BACE2: variants seen among roughly 807,000 people sequenced by gnomAD.
The protein encoded by BACE2 is 56 kDa aspartic-like protease.
BACE2 carries 17 observed loss-of-function variants against 46.2 expected under a neutral mutation model. That is an observed-to-expected ratio of 0.37 (90% CI 0.25 to 0.55). The LOEUF (loss-of-function observed/expected upper bound fraction) is 0.55, where lower values mean the gene tolerates loss of function less well. Among genes scored for constraint, BACE2 ranks in the 20% least tolerant of loss-of-function variants. The pLI is 0.82. For missense variants in BACE2, 595 were observed against 698.1 expected (o/e 0.85, Z 1.66); for synonymous variants, 277 against 295.9 (o/e 0.94, Z 0.66).
In BACE2 at chr21:41,275,858, A is replaced by C; in HGVS notation, c.*234A>C. 1 of 565,560 alleles carries C rather than the reference A, an allele frequency of 1.8e-6. No homozygotes were observed. The highest frequency in any genetic ancestry group is 3.1e-6 in the Non-Finnish European group (1 of 327,702). 35.0% of individuals were successfully genotyped at this position (565,560 alleles called of 1,614,324 possible). A position where few individuals can be genotyped will look rare whatever the true frequency, so the allele number is the denominator to read the frequency against. On this transcript the variant is annotated 3_prime_UTR_variant, in exon 9 of 9. Coordinates refer to ENST00000330333, the MANE Select transcript of BACE2 (RefSeq NM_012105.5). ...AAAAAAAAAACTTCATTCTAAACCA[A>C]AACAGAGTGGATTGGGCTGCAGGCT...
intron 5 of BACE2, 92 bp from the exon 6 acceptor site, chr21:41,245,870 G>A (rs1987450453): frequency 1.1e-6 from 1 of 902,540 alleles, no homozygotes; most frequent in Non-Finnish European, 1.7e-6. Flanking sequence ...GGATTTGTGT[G>A]TAACAGACAG....
At chr21:41,192,378 G>A (rs769220452) in intron 1 of BACE2, among the ~76,000 whole-genome samples, 5 of 152,278 alleles carry the variant, frequency 3.3e-5, no homozygotes, top group East Asian at 1.9e-4. Flanking sequence ...GCCCAATCAC[G>A]TATATACCAC....
chr21:41,252,777 G>A (rs140966803), intron 7 of BACE2, among the ~76,000 whole-genome samples: 15 of 152,298 alleles, frequency 9.8e-5, no homozygotes, highest in South Asian at 2.1e-4. Flanking sequence ...GGAAGGAGGC[G>A]TAATTTCAGG....
At chr21:41,198,330 A>G (rs959650719) in intron 1 of BACE2, among the ~76,000 whole-genome samples, 1 of 152,168 alleles carries the variant, frequency 6.6e-6, no homozygotes, top group Non-Finnish European at 1.5e-5. Flanking sequence ...TTTATCCCCA[A>G]ATTTTCAAAG....
intron 1 of BACE2, chr21:41,180,063 C>T (rs1157644582): frequency 2.7e-5 from 7 of 263,804 alleles, no homozygotes; most frequent in Admixed American, 1.0e-4. Context: ...ACAGGCTGTG[C>T]GCCCACAGTA....
Position 41,238,192 on chromosome 21 carries a change from G to A in BACE2, c.618+463G>A, listed in dbSNP as rs369680475. 9.8e-5 allele frequency among the ~76,000 whole-genome samples: 15 copies of A among 152,314 alleles called. 1 individual carries two copies. The highest frequency in any genetic ancestry group is 5.8e-4 in the East Asian group (3 of 5,170). ...TCCTGGCTCTGCAGGGGACACCTCCGAGGAGACACCCAGCATGGGAATATG... is the reference window on the plus strand; with the variant it reads ...TCCTGGCTCTGCAGGGGACACCTCCAAGGAGACACCCAGCATGGGAATATG... On this transcript the variant is annotated intron_variant, in intron 3 of 8. Coordinates refer to ENST00000330333, the MANE Select transcript of BACE2 (RefSeq NM_012105.5).
In BACE2 at chr21:41,257,179, G is replaced by T. The variant is rs1466519534; in HGVS notation, c.1156G>T (p.Gly386Trp). Residue 386 changes from glycine to tryptophan, a missense_variant, in exon 8 of 9, where the codon GGG becomes TGG. Physicochemically the swap from Gly to Trp is radical, Grantham distance 184. Around this residue, in one of 3 missense-constraint regions of BACE2, gnomAD observed 343 missense variants for 419.4 expected, o/e 0.82. Coordinates refer to ENST00000330333, the MANE Select transcript of BACE2 (RefSeq NM_012105.5). Reference protein sequence around the residue: ...LPQLYIQPMMGAGLNYECYRF... With the variant: ...LPQLYIQPMMWAGLNYECYRF... ...ACAGCTTTACATTCAGCCCATGATG[G>T]GGGCCGGCCTGAATTATGAATGTTA... 6.2e-7 allele frequency: 1 copy of T among 1,614,162 alleles called. No individual in the cohort carries two copies. The highest frequency in any genetic ancestry group is 8.5e-7 in the Non-Finnish European group (1 of 1,180,034).
At chr21:41,174,202 G>A (rs1474944255) in intron 1 of BACE2, among the ~76,000 whole-genome samples, 1 of 143,200 alleles carries the variant, frequency 7.0e-6, no homozygotes, top group Non-Finnish European at 1.5e-5. Context: ...GAGTACAGTG[G>A]CCTGATCTTG....
At chr21:41,200,354 G>T (rs1222102672) in intron 1 of BACE2, among the ~76,000 whole-genome samples, 2 of 152,132 alleles carry the variant, frequency 1.3e-5, no homozygotes, top group East Asian at 3.9e-4. Context: ...TTTAAATTCA[G>T]ATGTTAGTTT....
chr21:41,174,851 C>T (rs1568854358), intron 1 of BACE2, among the ~76,000 whole-genome samples: 1 of 152,264 alleles, frequency 6.6e-6, no homozygotes, highest in East Asian at 1.9e-4. Flanking sequence ...CTTGGTGAGA[C>T]ACTGGGGTTC....
chr21:41,225,000 C>G (rs952852482), intron 1 of BACE2, among the ~76,000 whole-genome samples: 1 of 152,038 alleles, frequency 6.6e-6, no homozygotes, highest in African/African-American at 2.4e-5. Context: ...CTTGGGAGGC[C>G]GAGGCGGGCA....
intron 7 of BACE2, among the ~76,000 whole-genome samples, chr21:41,253,521 T>A (rs1248889505): frequency 2.6e-5 from 4 of 151,744 alleles, no homozygotes. Context: ...CATTATTTCA[T>A]CAGTGTGGTG....
chr21:41,189,900 C>T (rs1985507656), intron 1 of BACE2, among the ~76,000 whole-genome samples: 1 of 152,182 alleles, frequency 6.6e-6, no homozygotes, highest in Non-Finnish European at 1.5e-5. Flanking sequence ...GAGAGCCAGT[C>T]TGAGTCTCAA....
chr21:41,195,917 C>A (rs1174442673), intron 1 of BACE2, among the ~76,000 whole-genome samples: 1 of 152,074 alleles, frequency 6.6e-6, no homozygotes, highest in Non-Finnish European at 1.5e-5. Context: ...AAATGTTATT[C>A]CATCATATAA....
At chr21:41,179,488 T>C in intron 1 of BACE2, 1 of 1,312,572 alleles carries the variant, frequency 7.6e-7, no homozygotes, top group African/African-American at 1.8e-5. Context: ...GTGTCCAGGG[T>C]GAGGAGTGAC....
At chr21:41,211,595 A>C (rs1986304666) in intron 1 of BACE2, among the ~76,000 whole-genome samples, 1 of 152,256 alleles carries the variant, frequency 6.6e-6, no homozygotes, top group African/African-American at 2.4e-5. Context: ...ACTGTGGGCA[A>C]ACAGCCCCGC....
chr21:41,219,638 G>A (rs1352038977), intron 1 of BACE2, among the ~76,000 whole-genome samples: 5 of 152,152 alleles, frequency 3.3e-5, no homozygotes, highest in African/African-American at 7.2e-5. Context: ...ACCTAGGGAC[G>A]GATCTCCTTC....
In BACE2 at chr21:41,257,173, A is replaced by C. The variant is rs770977570; in HGVS notation, c.1150A>C (p.Met384Leu). 5.0e-6 allele frequency: 8 copies of C among 1,614,046 alleles called. No individual in the cohort carries two copies. The African/African-American group carries it at 1.1e-4, about 22-fold the overall frequency. Residue 384 changes from methionine (M) to leucine (L), a missense_variant, in exon 8 of 9, where the codon ATG becomes CTG. Transcript: ENST00000330333. The stretch of plus-strand genomic sequence containing the variant: ...CGACAAACAGCTTTACATTCAGCCC[A>C]TGATGGGGGCCGGCCTGAATTATGA... ...TILPQLYIQPMMGAGLNYECY... is the reference protein window; with the variant it reads ...TILPQLYIQPLMGAGLNYECY...
intron 1 of BACE2, among the ~76,000 whole-genome samples, chr21:41,210,855 C>T (rs1441069708): frequency 6.6e-6 from 1 of 152,170 alleles, no homozygotes; most frequent in Admixed American, 6.5e-5. Context: ...TGCATCAGGA[C>T]CACCTTCATG....
Sources: gnomAD v4.1 joint callset for allele counts (sites outside exome capture counted in the v4.1 genomes callset) on GRCh38, gnomAD v4.1.1 for gene constraint, gnomAD v4.1.1 regional missense constraint, MANE v1.5 for transcripts, NCBI Gene and HGNC (gene_info 2026-07-23, HGNC 2026-07-21) for gene names.